The following RAPGEF5 variants were observed in gnomAD, a reference collection of about 807,000 sequenced individuals.
The protein encoded by RAPGEF5 is M-Ras-regulated GEF.
RAPGEF5 carries 65 observed loss-of-function variants against 125.2 expected under a neutral mutation model. The observed-to-expected ratio is 0.52, with a 90% CI of 0.43 to 0.64. The LOEUF is 0.64. Ranked by LOEUF, RAPGEF5 falls within the 30% of genes least tolerant of loss-of-function variation. The pLI is 0.00. For missense variants in RAPGEF5, 958 were observed against 1,048.1 expected (o/e 0.91, Z 1.19); for synonymous variants, 391 against 385.9 (o/e 1.01, Z -0.16).
Position 22,266,987 on chromosome 7 carries a change from A to G in RAPGEF5, c.773T>C (p.Ile258Thr), listed in dbSNP as rs1202338646. 2 of 1,611,224 alleles carry G rather than the reference A, an allele frequency of 1.2e-6. No individual in the cohort carries two copies. Among genetic ancestry groups the G allele is most frequent in the African/African-American group, 1.3e-5 (1 of 74,970 alleles). The stretch of plus-strand genomic sequence containing the variant: ...ACCAGACTTCCTTGCTTTCAAAGCA[A>G]TAACAGCTGCTAGCTCTCTCTGCAC... ...SAVQRELAAV[I>T]ALKARKSAIE... The change falls in exon 7 of 26, where the codon ATT becomes ACT. Residue 258 changes from isoleucine to threonine, a missense_variant. By Grantham distance (89) the Ile-to-Thr change is moderately conservative. Coordinates refer to ENST00000665637, the MANE Select transcript of RAPGEF5 (RefSeq NM_012294.5).
intron 12 of RAPGEF5, among the ~76,000 whole-genome samples, chr7:22,165,039 T>C (rs1024177300): frequency 1.3e-5 from 2 of 152,160 alleles, no homozygotes; most frequent in Non-Finnish European, 2.9e-5. Context: ...ATAGATTCCC[T>C]TTGTGTTTGT....
intron 5 of RAPGEF5, among the ~76,000 whole-genome samples, chr7:22,297,665 G>A (rs1783093307): frequency 1.3e-5 from 2 of 152,228 alleles, no homozygotes; most frequent in African/African-American, 4.8e-5. Context: ...GAAGAGAGAG[G>A]AAGTATTAAT....
intron 6 of RAPGEF5, among the ~76,000 whole-genome samples, chr7:22,269,975 C>G (rs1357592687): frequency 6.6e-6 from 1 of 152,072 alleles, no homozygotes; most frequent in Non-Finnish European, 1.5e-5. Flanking sequence ...CTGCAGAGCC[C>G]CGGAGGAGAA....
At chr7:22,257,101 C>A (rs1430896111) in intron 7 of RAPGEF5, among the ~76,000 whole-genome samples, 1 of 152,188 alleles carries the variant, frequency 6.6e-6, no homozygotes, top group East Asian at 1.9e-4. Flanking sequence ...TAACCTCTTG[C>A]AGTTAGACAG....
chr7:22,165,531 C>T (rs1228156506), intron 12 of RAPGEF5, among the ~76,000 whole-genome samples: 1 of 152,156 alleles, frequency 6.6e-6, no homozygotes, highest in Non-Finnish European at 1.5e-5. Flanking sequence ...GAAATCTGCA[C>T]ATATTATTGA....
intron 1 of RAPGEF5, among the ~76,000 whole-genome samples, chr7:22,353,404 C>T (rs1448890937): frequency 6.6e-6 from 1 of 152,064 alleles, no homozygotes; most frequent in South Asian, 2.1e-4. Flanking sequence ...GTGAAAAAGG[C>T]AAAGTTTTGC....
At chr7:22,297,757 A>ATC (rs1353510131) in intron 5 of RAPGEF5, among the ~76,000 whole-genome samples, 1 of 152,178 alleles carries the variant, frequency 6.6e-6, no homozygotes, top group Non-Finnish European at 1.5e-5. Flanking sequence ...TATGCCTTTT[A>ATC]TCTCTTTTTC....
chr7:22,339,259 T>G (rs1467680892), intron 1 of RAPGEF5, among the ~76,000 whole-genome samples: 1 of 152,160 alleles, frequency 6.6e-6, no homozygotes, highest in East Asian at 1.9e-4. Flanking sequence ...AAACCTTCAC[T>G]CCTGCTCTAA....
At chr7:22,312,056 T>C (rs1243115350) in intron 3 of RAPGEF5, among the ~76,000 whole-genome samples, 1 of 152,216 alleles carries the variant, frequency 6.6e-6, no homozygotes, top group Non-Finnish European at 1.5e-5. Flanking sequence ...CAAAGGTAGC[T>C]AGATGGATAC....
At chr7:22,275,699 G>T (rs1025751668) in intron 6 of RAPGEF5, among the ~76,000 whole-genome samples, 1 of 144,812 alleles carries the variant, frequency 6.9e-6, no homozygotes, top group Non-Finnish European at 1.5e-5. Context: ...GAACAAGCAT[G>T]TTCTCTTTGG....
intron 8 of RAPGEF5, among the ~76,000 whole-genome samples, chr7:22,224,843 T>C (rs1785880978): frequency 6.6e-6 from 1 of 151,918 alleles, no homozygotes; most frequent in Non-Finnish European, 1.5e-5. Context: ...TTCTTTTTTT[T>C]TTTTTTTTAA....
At chr7:22,133,259 G>A (rs2084351026) in intron 23 of RAPGEF5, among the ~76,000 whole-genome samples, 1 of 152,192 alleles carries the variant, frequency 6.6e-6, no homozygotes, top group Admixed American at 6.5e-5. Context: ...CAGGTGAGAG[G>A]GGAGACAGGC....
At position 22,126,771 on chromosome 7, in the gene RAPGEF5, C is replaced by T. The variant is rs576794463; in HGVS notation, c.2482-1113G>A. ...TGGGATTACTGGCATATGCATCATA[C>T]CTGGCTAATTTTGGCTAATTTTTGT... On this transcript the variant is annotated intron_variant, in intron 24 of 25. Coordinates refer to ENST00000665637, the MANE Select transcript of RAPGEF5 (RefSeq NM_012294.5). 7.3e-4 allele frequency among the ~76,000 whole-genome samples: 107 copies of T among 146,494 alleles called. 1 individual carries two copies. The highest frequency in any genetic ancestry group is 2.5e-3 in the African/African-American group (101 of 39,798).
chr7:22,146,821 G>C lies in RAPGEF5; in HGVS notation c.2007+76C>G, dbSNP rs551797967. 1.6e-5 allele frequency: 24 copies of C among 1,487,824 alleles called. No homozygotes were observed. The African/African-American group carries it at 3.2e-4, about 20-fold the overall frequency. The allele number at this position is 1,487,824 out of a possible 1,614,324, so 92.2% of individuals were successfully genotyped here. On this transcript the variant is annotated intron_variant, in intron 19 of 25. Coordinates refer to ENST00000665637, the MANE Select transcript of RAPGEF5 (RefSeq NM_012294.5). The stretch of plus-strand genomic sequence containing the variant: ...GTTATTCTAGCATAATTTCATCACC[G>C]CACGCATTGATATTCTTCACAAAGA...
At chr7:22,183,279 A>C in intron 11 of RAPGEF5, among the ~76,000 whole-genome samples, 1 of 141,942 alleles carries the variant, frequency 7.0e-6, no homozygotes, top group Admixed American at 6.8e-5. Context: ...AAAAAAAAAA[A>C]AAAAAAAAAA....
At chr7:22,136,770 T>C (rs781768721) in intron 22 of RAPGEF5, among the ~76,000 whole-genome samples, 163 bp downstream of exon 22, 1 of 152,182 alleles carries the variant, frequency 6.6e-6, no homozygotes, top group Non-Finnish European at 1.5e-5. Flanking sequence ...AACTGTCAAC[T>C]TGCTTCCCTC....
chr7:22,154,006 G>A (rs558321851), intron 17 of RAPGEF5, among the ~76,000 whole-genome samples: 166 of 152,274 alleles, frequency 1.1e-3, no homozygotes, highest in Non-Finnish European at 1.8e-3. Context: ...GAATATTGCC[G>A]TGTGAGCTTT....
chr7:22,169,859 C>CCAAAAAAAAAAAAAA (rs553302336), intron 11 of RAPGEF5, among the ~76,000 whole-genome samples: 6 of 25,946 alleles, frequency 2.3e-4, no homozygotes, highest in African/African-American at 1.2e-3. Flanking sequence ...GACTCTGTGT[C>CCAAAAAAAAAAAAAA]AAAAAAAAAA....
At chr7:22,356,399 G>A (rs973781120) in intron 1 of RAPGEF5, 20 of 240,004 alleles carry the variant, frequency 8.3e-5, no homozygotes, top group African/African-American at 1.2e-4. Flanking sequence ...GCTTGCAACA[G>A]CACCTCCAAA....
Sources: gnomAD v4.1 joint callset for allele counts (sites outside exome capture counted in the v4.1 genomes callset) on GRCh38, gnomAD v4.1.1 for gene constraint, MANE v1.5 for transcripts, NCBI Gene and HGNC (gene_info 2026-07-23, HGNC 2026-07-21) for gene names.